MMRN1: variants seen among roughly 807,000 people sequenced by gnomAD.
MMRN1 encodes the protein multimerin-1.
Under a neutral mutation model 100.7 loss-of-function variants are expected in MMRN1, and 94 were observed. The observed-to-expected ratio is 0.93, with a 90% CI of 0.79 to 1.11. MMRN1 has a LOEUF of 1.11. MMRN1 is among the 50% of genes least tolerant of loss of function. The probability of loss-of-function intolerance (pLI) is 0.00; values close to 1 mark genes in which losing one functional copy is unlikely to be tolerated. For synonymous variants in MMRN1, 575 were observed against 505.0 expected (o/e 1.14, Z -1.86); for missense variants, 1,606 against 1,439.1 (o/e 1.12, Z -1.88).
At chr4:89,897,590 C>G (rs977388527) in intron 1 of MMRN1, among the ~76,000 whole-genome samples, 1 of 151,988 alleles carries the variant, frequency 6.6e-6, no homozygotes, top group Non-Finnish European at 1.5e-5. Flanking sequence ...TTTTACATAC[C>G]ATATAGAAAG....
In MMRN1 at chr4:89,936,147, A is replaced by G. The variant is rs1217542354; in HGVS notation, c.2467A>G (p.Met823Val). 1 of 1,612,416 alleles carries G rather than the reference A, an allele frequency of 6.2e-7. No homozygotes were observed. Among genetic ancestry groups the G allele is most frequent in the Non-Finnish European group, 8.5e-7 (1 of 1,179,562 alleles). Residue 823 changes from methionine to valine, a missense_variant, in exon 6 of 8, where the codon ATG becomes GTG. Transcript: ENST00000264790. ...EKLNQSNFQK[M>V]YQMFNETTSQ... is the part of the protein sequence containing the mutation. ...ACTAAATCAGTCCAACTTCCAAAAG[A>G]TGTATCAAATGTTCAATGAAACCAC...
At chr4:89,934,105 A>G (rs1722528176) in intron 5 of MMRN1, among the ~76,000 whole-genome samples, 2 of 151,968 alleles carry the variant, frequency 1.3e-5, no homozygotes, top group Non-Finnish European at 2.9e-5. Flanking sequence ...AGATAGTACT[A>G]TGTGTTTCAT....
chr4:89,907,318 A>G (rs1337646628), intron 1 of MMRN1, among the ~76,000 whole-genome samples: 2 of 151,660 alleles, frequency 1.3e-5, no homozygotes, highest in South Asian at 2.1e-4. Context: ...ATCACATTCA[A>G]AAGAACACAA....
At chr4:89,920,378 A>G (rs1722050442) in intron 3 of MMRN1, among the ~76,000 whole-genome samples, 1 of 152,134 alleles carries the variant, frequency 6.6e-6, no homozygotes, top group South Asian at 2.1e-4. Context: ...TGGGCTGTAG[A>G]TTTGATTGCT....
intron 4 of MMRN1, among the ~76,000 whole-genome samples, chr4:89,926,153 A>G (rs1362110182): frequency 6.6e-6 from 1 of 152,128 alleles, no homozygotes; most frequent in Non-Finnish European, 1.5e-5. Context: ...TGGAAGTGGG[A>G]TTGCTAGATC....
Position 89,952,381 on chromosome 4 carries a change from C to CA in MMRN1, c.3266-609dup, listed in dbSNP as rs200785781. 6.6e-5 allele frequency among the ~76,000 whole-genome samples: 10 copies of CA among 152,112 alleles called. No homozygotes were observed. In the South Asian group the frequency reaches 1.5e-3, roughly 22 times the overall value. On this transcript the variant is annotated intron_variant, in intron 7 of 7. Coordinates refer to ENST00000264790, the MANE Select transcript of MMRN1 (RefSeq NM_007351.3). ...ATAAAAATGTGTTATTTAATGACTG[C>CA]AAAAAAACCTATTTCAAATCAGCTT...
At chr4:89,901,349 A>G (rs1304932066) in intron 1 of MMRN1, among the ~76,000 whole-genome samples, 1 of 151,628 alleles carries the variant, frequency 6.6e-6, no homozygotes, top group East Asian at 1.9e-4. Context: ...TCTGAGTTTA[A>G]TGACAAATTA....
In MMRN1 at chr4:89,935,867, T is replaced by G; in HGVS notation, c.2187T>G (p.Asn729Lys). The G allele has an allele frequency of 5.0e-6, 8 of 1,611,904 alleles. No individual in the cohort carries two copies. Among genetic ancestry groups the G allele is most frequent in the Non-Finnish European group, 6.8e-6 (8 of 1,178,976 alleles). ...CCTTAGAAATGGAAGATGGCCTCAA[T>G]AAGACAATGACTATTATAAATAATG... is the stretch of plus-strand genomic sequence containing the variant. ...EYALEMEDGLNKTMTIINNAI... is the reference protein window; with the variant it reads ...EYALEMEDGLKKTMTIINNAI... Residue 729 changes from asparagine (N) to lysine (K), a missense_variant, in exon 6 of 8, where the codon AAT becomes AAG. By Grantham distance (94) the Asn-to-Lys change is moderately conservative. Coordinates refer to ENST00000264790, the MANE Select transcript of MMRN1 (RefSeq NM_007351.3).
chr4:89,906,816 C>T (rs935921105), intron 1 of MMRN1, among the ~76,000 whole-genome samples: 4 of 151,492 alleles, frequency 2.6e-5, no homozygotes, highest in African/African-American at 9.7e-5. Flanking sequence ...TCAAAGATTG[C>T]TGGGCCATGA....
chr4:89,933,392 C>T (rs1274249081), intron 5 of MMRN1, among the ~76,000 whole-genome samples: 9 of 152,142 alleles, frequency 5.9e-5, no homozygotes, highest in Non-Finnish European at 1.2e-4. Flanking sequence ...GTTCCAAAGT[C>T]GCTTCCACAT....
intron 5 of MMRN1, among the ~76,000 whole-genome samples, chr4:89,932,551 A>T (rs1420533644): frequency 6.6e-6 from 1 of 152,098 alleles, no homozygotes; most frequent in Admixed American, 6.6e-5. Flanking sequence ...CTGCACATCC[A>T]TGTGTTTTCA....
chr4:89,890,066 C>T (rs143685020), upstream of MMRN1, among the ~76,000 whole-genome samples: 1,864 of 151,910 alleles, frequency 0.012, 40 homozygotes, highest in African/African-American at 0.042. Context: ...TGTACTCAGG[C>T]GAGGCTTCTT....
intron 2 of MMRN1, among the ~76,000 whole-genome samples, chr4:89,910,223 G>A (rs1721705166): frequency 1.3e-5 from 2 of 151,318 alleles, no homozygotes; most frequent in African/African-American, 4.8e-5. Context: ...ACATCTTAGG[G>A]ATTTGGGAGA....
chr4:89,884,642 T>C (rs907556854), intron 1 of MMRN1, among the ~76,000 whole-genome samples: 4 of 152,112 alleles, frequency 2.6e-5, no homozygotes, highest in African/African-American at 9.7e-5. Context: ...CTGACATTCC[T>C]TGGCTATTCA....
chr4:89,904,509 A>T (rs1721497088), intron 1 of MMRN1, among the ~76,000 whole-genome samples: 3 of 151,778 alleles, frequency 2.0e-5, no homozygotes, highest in Admixed American at 6.6e-5. Flanking sequence ...TAACCACTTA[A>T]GTACATCATA....
In MMRN1 at chr4:89,953,573, AATT is replaced by A. The variant is rs1212189531; in HGVS notation, c.*159_*161del. The A allele has an allele frequency of 5.5e-6, 3 of 545,908 alleles. No homozygotes were observed. The highest frequency in any genetic ancestry group is 8.9e-6 in the Non-Finnish European group (3 of 335,718). 33.8% of individuals were successfully genotyped at this position (545,908 alleles called of 1,614,324 possible). A position where few individuals can be genotyped will look rare whatever the true frequency, so the allele number is the denominator to read the frequency against. On this transcript the variant is annotated 3_prime_UTR_variant, in exon 8 of 8. Transcript: ENST00000264790. Reference sequence around the variant, plus strand: ...GTAAACTTGTATGTCTATTTTATAAAATTATTTGAATATTGTTTAATGTCTGAA... The same window carrying A: ...GTAAACTTGTATGTCTATTTTATAAAATTTGAATATTGTTTAATGTCTGAA...
chr4:89,943,029 C>A (rs1304291894), intron 6 of MMRN1, among the ~76,000 whole-genome samples: 1 of 151,982 alleles, frequency 6.6e-6, no homozygotes, highest in Non-Finnish European at 1.5e-5. Context: ...TGTGGGTGAG[C>A]AGAGCCAGGG....
intron 6 of MMRN1, among the ~76,000 whole-genome samples, chr4:89,943,733 T>C (rs76079022): frequency 0.021 from 3,218 of 152,266 alleles, 125 homozygotes; most frequent in African/African-American, 0.074. Flanking sequence ...CTCACCACTG[T>C]AATCCCAACA....
At chr4:89,884,970 A>G (rs937265599) in intron 1 of MMRN1, among the ~76,000 whole-genome samples, 8 of 152,140 alleles carry the variant, frequency 5.3e-5, no homozygotes, top group African/African-American at 1.9e-4. Context: ...AAAAGCATTC[A>G]AAGTTTCATA....
Sources: gnomAD v4.1 joint callset for allele counts (sites outside exome capture counted in the v4.1 genomes callset) on GRCh38, gnomAD v4.1.1 for gene constraint, MANE v1.5 for transcripts, NCBI Gene and HGNC (gene_info 2026-07-23, HGNC 2026-07-21) for gene names.